The following CUBN variants were observed in gnomAD, a reference collection of about 807,000 sequenced individuals.
CUBN encodes the protein cubilin.
A neutral mutation model predicts 405.3 loss-of-function variants in CUBN; 282 were observed. That is an observed-to-expected ratio of 0.70 (90% confidence interval 0.63 to 0.77). The LOEUF is 0.77. CUBN is among the 30% of genes least tolerant of loss of function. The pLI is 0.00. For synonymous variants in CUBN, 1,684 were observed against 1,617.0 expected, an observed-to-expected ratio of 1.04 and a Z score of -0.99; for missense variants, 4,514 against 4,475.2, an observed-to-expected ratio of 1.01 and a Z score of -0.25.
intron 14 of CUBN, among the ~76,000 whole-genome samples, chr10:17,091,838 G>T (rs1218596154): frequency 1.3e-5 from 2 of 152,188 alleles, no homozygotes; most frequent in African/African-American, 4.8e-5. Flanking sequence ...AATATAAACA[G>T]CAAAATCCAA....
At chr10:16,901,723 G>A (rs1032643396) in intron 51 of CUBN, among the ~76,000 whole-genome samples, 2 of 151,330 alleles carry the variant, frequency 1.3e-5, no homozygotes, top group East Asian at 1.9e-4. Context: ...GCTTGGTGGC[G>A]TCTGCCTGTA....
chr10:16,983,517 G>A (rs977363061), intron 30 of CUBN, among the ~76,000 whole-genome samples: 3 of 152,178 alleles, frequency 2.0e-5, no homozygotes, highest in East Asian at 1.9e-4. Context: ...TGGTTGTAAG[G>A]ACTAGAGATA....
At chr10:17,123,016 C>A in intron 5 of CUBN, 118 bp from the exon 6 acceptor site, 1 of 746,422 alleles carries the variant, frequency 1.3e-6, no homozygotes. Context: ...CTCATAAAGT[C>A]AAATACAATA....
At chr10:16,916,715 T>TG (rs760505810) in intron 45 of CUBN, among the ~76,000 whole-genome samples, 86 of 152,308 alleles carry the variant, frequency 5.6e-4, no homozygotes, top group Non-Finnish European at 9.1e-4. Flanking sequence ...TATGTGCTAT[T>TG]GTGACCATAT....
At chr10:16,940,266 GATTA>G in intron 36 of CUBN, 29 bp from the exon 37 acceptor site, 2 of 1,579,090 alleles carry the variant, frequency 1.3e-6, no homozygotes, top group Non-Finnish European at 1.7e-6. Context: ...TATTTAAAGG[GATTA>G]AATTGAGAGA....
chr10:16,891,637 G>C (rs1185387406), intron 54 of CUBN, among the ~76,000 whole-genome samples: 1 of 152,146 alleles, frequency 6.6e-6, no homozygotes, highest in Non-Finnish European at 1.5e-5. Flanking sequence ...GTTCAGGTGA[G>C]AGATCATGGT....
chr10:17,085,499 G>T, intron 16 of CUBN, 98 bp downstream of exon 16: 2 of 1,220,558 alleles, frequency 1.6e-6, no homozygotes, highest in South Asian at 1.2e-5. Context: ...GTCTAAGACA[G>T]TCAGTCATCC....
chr10:16,904,494 G>A, intron 50 of CUBN, among the ~76,000 whole-genome samples: 1 of 152,174 alleles, frequency 6.6e-6, no homozygotes, highest in East Asian at 1.9e-4. Flanking sequence ...ATATCCTCAA[G>A]ATAAAGTGAT....
rs530322647 is a variant in CUBN at position 16,870,307 on chromosome 10, T to C, written c.9237-454A>G. Among the ~76,000 whole-genome samples the C allele has an allele frequency of 6.6e-5, 10 of 152,336 alleles. No homozygotes were observed. In the South Asian group the frequency reaches 1.9e-3, roughly 28 times the overall value. Reference sequence around the variant, plus strand: ...AAGCATGTTAATATAATAGAAGAAATGCTGCTTTTAGAATCACAGCTCCAT... The same window carrying C: ...AAGCATGTTAATATAATAGAAGAAACGCTGCTTTTAGAATCACAGCTCCAT... On this transcript the variant is annotated intron_variant, in intron 58 of 66. Transcript: ENST00000377833.
intron 31 of CUBN, among the ~76,000 whole-genome samples, chr10:16,978,249 T>C (rs756025091): frequency 2.0e-5 from 3 of 152,194 alleles, no homozygotes; most frequent in South Asian, 2.1e-4. Flanking sequence ...TGCTAAACCT[T>C]TGTGGATCAG....
At chr10:16,834,913 G>C (rs1201958862) in intron 64 of CUBN, 101 bp downstream of exon 64, 1 of 1,138,290 alleles carries the variant, frequency 8.8e-7, no homozygotes, top group Non-Finnish European at 1.3e-6. Flanking sequence ...AAACAAATAA[G>C]AATCATATAA....
At chr10:16,828,173 T>A (rs572012262) in intron 66 of CUBN, among the ~76,000 whole-genome samples, 11 of 151,926 alleles carry the variant, frequency 7.2e-5, no homozygotes, top group South Asian at 6.3e-4. Flanking sequence ...GAGCTTTTTT[T>A]TAAAAAAACA....
chr10:17,084,433 C>T lies in CUBN; in HGVS notation c.2139G>A (p.Thr713=), dbSNP rs112672544. 3.0e-5 allele frequency: 49 copies of T among 1,613,640 alleles called. No homozygotes were observed. Among genetic ancestry groups the T allele is most frequent in the African/African-American group, 2.7e-4 (20 of 74,986 alleles). The change falls in exon 17 of 67, where the codon ACG becomes ACA. Residue 713 remains threonine, a synonymous_variant. Coordinates refer to ENST00000377833, the MANE Select transcript of CUBN (RefSeq NM_001081.4). ...PSDLRCGGNY[T]DPEGELFLPE... is the part of the protein sequence containing the mutation. ...GCAAGAAGAGTTCACCCTCTGGGTCCGTGTAGTTCCCACCACAACGCAGAT... is the reference window on the plus strand; with the variant it reads ...GCAAGAAGAGTTCACCCTCTGGGTCTGTGTAGTTCCCACCACAACGCAGAT...
intron 43 of CUBN, among the ~76,000 whole-genome samples, chr10:16,922,273 C>G (rs1842055122): frequency 6.6e-6 from 1 of 152,110 alleles, no homozygotes; most frequent in African/African-American, 2.4e-5. Flanking sequence ...CCTCCCATCC[C>G]TTCCCTCCTG....
chr10:16,948,249 A>C (rs1842836919), intron 35 of CUBN, among the ~76,000 whole-genome samples: 1 of 152,202 alleles, frequency 6.6e-6, no homozygotes, highest in Non-Finnish European at 1.5e-5. Context: ...ATAGCATGGC[A>C]TGTAGCTGAA....
intron 27 of CUBN, among the ~76,000 whole-genome samples, chr10:17,026,970 A>G (rs1834683958): frequency 6.6e-6 from 1 of 152,248 alleles, no homozygotes; most frequent in Admixed American, 6.5e-5. Flanking sequence ...TGGGCTTTGC[A>G]TGAGAGCAAA....
intron 29 of CUBN, among the ~76,000 whole-genome samples, chr10:16,987,074 T>C (rs955736724): frequency 2.6e-5 from 4 of 152,202 alleles, no homozygotes; most frequent in African/African-American, 9.7e-5. Flanking sequence ...CTGAGGTAAC[T>C]GTCCACACCA....
chr10:17,090,412 A>G (rs997063237), intron 14 of CUBN, among the ~76,000 whole-genome samples: 25 of 152,150 alleles, frequency 1.6e-4, no homozygotes, highest in African/African-American at 6.0e-4. Flanking sequence ...GACAGGAAAA[A>G]AAAAAGCTAG....
intron 28 of CUBN, among the ~76,000 whole-genome samples, chr10:17,015,217 G>A (rs188633379): frequency 2.0e-5 from 3 of 152,280 alleles, no homozygotes; most frequent in Non-Finnish European, 4.4e-5. Context: ...AAGTGGTGGG[G>A]TCTTTTAGCC....
Sources: gnomAD v4.1 joint callset for allele counts (sites outside exome capture counted in the v4.1 genomes callset) on GRCh38, gnomAD v4.1.1 for gene constraint, MANE v1.5 for transcripts, NCBI Gene and HGNC (gene_info 2026-07-23, HGNC 2026-07-21) for gene names.